Variants in ARID1B observed in about 807,000 individuals in gnomAD.
ARID1B encodes AT-rich interaction domain 1B, also known as AT-rich interactive domain-containing protein 1B.
In ARID1B, 30 loss-of-function variants were observed where a neutral mutation model predicts 212.3. The observed-to-expected ratio is 0.14, with a 90% CI of 0.11 to 0.19. ARID1B has a LOEUF of 0.19. Among genes scored for constraint, ARID1B ranks in the 10% least tolerant of loss-of-function variants. The pLI is 1.00. For missense variants in ARID1B, 2,891 were observed against 3,204.0 expected (o/e 0.90, Z 2.36); for synonymous variants, 1,402 against 1,301.7 (o/e 1.08, Z -1.66).
chr6:156,995,459 T>C (rs369973800), intron 4 of ARID1B, among the ~76,000 whole-genome samples: 174 of 152,348 alleles, frequency 1.1e-3, no homozygotes, highest in African/African-American at 4.1e-3. Flanking sequence ...CTGAGCAGGC[T>C]GCCTTCCAAG....
intron 2 of ARID1B, among the ~76,000 whole-genome samples, chr6:156,890,011 T>G (rs1005443820): frequency 1.3e-5 from 2 of 152,178 alleles, no homozygotes; most frequent in Non-Finnish European, 2.9e-5. Flanking sequence ...AGAGATAGCC[T>G]GGACTGGAAA....
intron 6 of ARID1B, among the ~76,000 whole-genome samples, chr6:157,119,215 C>T (rs1787533797): frequency 6.6e-6 from 1 of 152,192 alleles, no homozygotes; most frequent in South Asian, 2.1e-4. Flanking sequence ...CACTCTAGTC[C>T]AGACACCTAG....
At chr6:156,970,152 C>T (rs1776822602) in intron 4 of ARID1B, among the ~76,000 whole-genome samples, 1 of 152,210 alleles carries the variant, frequency 6.6e-6, no homozygotes, top group South Asian at 2.1e-4. Context: ...ATGATCTTGG[C>T]TCACTGCAAC....
rs1313755694 is a variant in ARID1B, at chr6:156,934,912, T to TTTTATA, written c.2137-553_2137-552insTTATAT. Among the ~76,000 whole-genome samples, 136 of 52,686 alleles carry TTTTATA rather than the reference T, an allele frequency of 2.6e-3. 12 individuals are homozygous for TTTTATA. Among genetic ancestry groups the TTTTATA allele is most frequent in the African/African-American group, 7.4e-3 (100 of 13,574 alleles). The allele number at this position is 52,686 out of a possible 152,430, so 34.6% of individuals were successfully genotyped here. On this transcript the variant is annotated intron_variant, in intron 3 of 19. Coordinates refer to ENST00000636930, the MANE Select transcript of ARID1B (RefSeq NM_001374828.1). ...GTCTCATAATAAATTTAGTTGTTAA[T>TTTTATA]TATATATATATATATATATATATAT... is the stretch of plus-strand genomic sequence containing the variant.
intron 1 of ARID1B, among the ~76,000 whole-genome samples, chr6:156,797,816 C>T (rs1780496495): frequency 1.3e-5 from 2 of 152,188 alleles, no homozygotes; most frequent in Admixed American, 6.5e-5. Context: ...CACTGCCCTG[C>T]GGAGCACGTG....
chr6:157,184,814 G>A (rs567118308), intron 13 of ARID1B: 92 of 251,302 alleles, frequency 3.7e-4, no homozygotes, highest in Non-Finnish European at 6.2e-4. Context: ...GCACTTCTAG[G>A]AAATGCCACC....
At chr6:157,039,171 G>A (rs142924896) in intron 4 of ARID1B, among the ~76,000 whole-genome samples, 1 of 151,936 alleles carries the variant, frequency 6.6e-6, no homozygotes, top group Non-Finnish European at 1.5e-5. Context: ...CACTGCTCCT[G>A]ACCTCATAGC....
Position 157,203,950 on chromosome 6 carries a change from T to G in ARID1B, c.5348T>G (p.Ile1783Ser). The stretch of plus-strand genomic sequence containing the variant: ...ACGTGGGCTTTGGACACTATTAATA[T>G]TCTTCTGTATGATGACAGCACTGTT... ...ESTWALDTIN[I>S]LLYDDSTVAT... is the part of the protein sequence containing the mutation. The change falls in exon 19 of 20, where the codon ATT becomes AGT. Residue 1783 changes from isoleucine (I) to serine (S), a missense_variant. Around this residue, in one of 7 missense-constraint regions of ARID1B, gnomAD observed 332 missense variants for 369.2 expected, o/e 0.90. Coordinates refer to ENST00000636930, the MANE Select transcript of ARID1B (RefSeq NM_001374828.1). This position sits in a 1 kb window ranked among gnomAD's most constrained non-coding sequence, Gnocchi z 4.4. 1 of 1,614,192 alleles carries G rather than the reference T, an allele frequency of 6.2e-7. No homozygotes were observed. Among genetic ancestry groups the G allele is most frequent in the Non-Finnish European group, 8.5e-7 (1 of 1,180,012 alleles).
At chr6:157,167,233 C>A (rs1278099396) in intron 9 of ARID1B, 48 bp downstream of exon 9, 2 of 1,576,732 alleles carry the variant, frequency 1.3e-6, no homozygotes, top group Admixed American at 1.8e-5. Flanking sequence ...CTCCCCTCTC[C>A]TCCTCTTAGG....
At chr6:156,897,104 T>C (rs1294266346) in intron 2 of ARID1B, among the ~76,000 whole-genome samples, 1 of 152,080 alleles carries the variant, frequency 6.6e-6, no homozygotes, top group East Asian at 1.9e-4. Context: ...TTTTTAGCTA[T>C]AAATTTTTTG....
At chr6:156,826,925 C>T (rs1185205994) in intron 1 of ARID1B, among the ~76,000 whole-genome samples, 3 of 152,112 alleles carry the variant, frequency 2.0e-5, no homozygotes, top group Admixed American at 6.5e-5. Flanking sequence ...TTCCCTTAAG[C>T]GGTGATATTC....
Position 156,778,214 on chromosome 6 carries a change from CCAT to C in ARID1B, c.535_537del (p.His179del), listed in dbSNP as rs1232897508. 1.9e-6 allele frequency: 3 copies of C among 1,539,642 alleles called. No individual in the cohort carries two copies. Among genetic ancestry groups the C allele is most frequent in the Non-Finnish European group, 2.6e-6 (3 of 1,145,932 alleles). ...ACCACCATGCCCACCACCACCACCA[CCAT>C]GCCCACCACCTCCACCACCACCACG... is the stretch of plus-strand genomic sequence containing the variant. On this transcript the variant is annotated inframe_deletion, in exon 1 of 20. Transcript: ENST00000636930.
At chr6:156,910,959 TGAAAA>T (rs938434795) in intron 3 of ARID1B, among the ~76,000 whole-genome samples, 4 of 152,054 alleles carry the variant, frequency 2.6e-5, no homozygotes, top group African/African-American at 9.7e-5. Flanking sequence ...ATATGGAAAA[TGAAAA>T]GAAAGAAGTA....
chr6:156,778,076 T>C lies in ARID1B; in HGVS notation c.396T>C (p.Ser132=), dbSNP rs569712058. Residue 132 remains serine, a synonymous_variant, in exon 1 of 20, where the codon TCT becomes TCC. Coordinates refer to ENST00000636930, the MANE Select transcript of ARID1B (RefSeq NM_001374828.1). The part of the protein sequence containing the change: ...SSSAAAAAAS[S]SSSSGPGSAM... ...CCGCGGCGGCAGCGGCGGCATCCTC[T>C]TCCTCCTCGTCGGGCCCGGGCTCGG... 4.5e-6 allele frequency: 7 copies of C among 1,538,910 alleles called. No individual in the cohort carries two copies. In the South Asian group the frequency reaches 8.3e-5, roughly 18 times the overall value.
At chr6:157,107,309 G>C (rs986297815) in intron 5 of ARID1B, among the ~76,000 whole-genome samples, 1 of 152,024 alleles carries the variant, frequency 6.6e-6, no homozygotes, top group African/African-American at 2.4e-5. Flanking sequence ...AAAAATGGGT[G>C]TAATTCAAAT....
chr6:157,026,706 G>A (rs1221287096), intron 4 of ARID1B, among the ~76,000 whole-genome samples: 12 of 152,092 alleles, frequency 7.9e-5, no homozygotes, highest in Admixed American at 5.2e-4. Flanking sequence ...TGAGATGGGG[G>A]GGTCTCACTA....
intron 4 of ARID1B, chr6:156,976,848 AGAGC>A (rs1248865238): frequency 2.4e-5 from 14 of 579,978 alleles, no homozygotes; most frequent in Non-Finnish European, 1.3e-5. Context: ...TGATGATCAC[AGAGC>A]TGGGAAAATT....
chr6:156,798,541 C>G (rs184552194), intron 1 of ARID1B, among the ~76,000 whole-genome samples: 1 of 152,250 alleles, frequency 6.6e-6, no homozygotes, highest in African/African-American at 2.4e-5. Context: ...GTGCTGCCCT[C>G]GCTCCTTGTT....
At chr6:157,021,474 G>C (rs540447677) in intron 4 of ARID1B, among the ~76,000 whole-genome samples, 3 of 152,204 alleles carry the variant, frequency 2.0e-5, no homozygotes, top group East Asian at 1.9e-4. Flanking sequence ...GGCAGGCCCC[G>C]CTCGCTCCTT....
Sources: gnomAD v4.1 joint callset for allele counts (sites outside exome capture counted in the v4.1 genomes callset) on GRCh38, gnomAD v4.1.1 for gene constraint, gnomAD v4.1.1 regional missense constraint, Gnocchi (gnomAD v3.1) non-coding constraint, MANE v1.5 for transcripts, NCBI Gene and HGNC (gene_info 2026-07-23, HGNC 2026-07-21) for gene names.